Variants in CDH13 observed in about 807,000 individuals in gnomAD.
CDH13 encodes the protein cadherin-13.
Under a neutral mutation model 63.8 loss-of-function variants are expected in CDH13, and 24 were observed. The ratio of observed to expected loss-of-function variants is 0.38; its 90% confidence interval spans 0.27 to 0.53. The LOEUF is 0.53. Ranked by LOEUF, CDH13 falls within the 20% of genes least tolerant of loss-of-function variation. The probability of loss-of-function intolerance (pLI) is 0.85; values close to 1 mark genes in which losing one functional copy is unlikely to be tolerated. For synonymous variants in CDH13, 503 were observed against 355.3 expected, an observed-to-expected ratio of 1.42 and a Z score of -4.67; for missense variants, 1,049 against 903.1, an observed-to-expected ratio of 1.16 and a Z score of -2.07.
intron 1 of CDH13, among the ~76,000 whole-genome samples, chr16:82,845,750 C>G (rs977059858): frequency 6.6e-6 from 1 of 152,188 alleles, no homozygotes; most frequent in Non-Finnish European, 1.5e-5. Context: ...TGGCATTCGA[C>G]ATCACTAATT....
intron 4 of CDH13, among the ~76,000 whole-genome samples, chr16:83,173,404 G>C (rs2038002763): frequency 6.6e-6 from 1 of 152,126 alleles, no homozygotes; most frequent in Admixed American, 6.6e-5. Flanking sequence ...ATCTCTGAGA[G>C]TGTGGTAAAG....
chr16:83,236,819 GGAA>G (rs1207867784), intron 5 of CDH13, among the ~76,000 whole-genome samples: 2 of 152,146 alleles, frequency 1.3e-5, no homozygotes, highest in African/African-American at 2.4e-5. Flanking sequence ...GGCAGGGGTG[GGAA>G]GGAGGGCCTA....
chr16:83,686,118 G>C (rs1831664297), intron 10 of CDH13, among the ~76,000 whole-genome samples: 1 of 152,192 alleles, frequency 6.6e-6, no homozygotes, highest in South Asian at 2.1e-4. Flanking sequence ...CACAAGCAGG[G>C]TTTACAGAGG....
intron 2 of CDH13, among the ~76,000 whole-genome samples, chr16:83,007,514 G>C (rs1913654736): frequency 6.6e-6 from 1 of 152,098 alleles, no homozygotes; most frequent in Admixed American, 6.5e-5. Context: ...TTTCCCTAAG[G>C]GCTAAAAAAT....
Position 83,004,538 on chromosome 16 carries a change from TC to T in CDH13, c.158-27471del, listed in dbSNP as rs374542330. The stretch of plus-strand genomic sequence containing the variant: ...TTTTTTTCCCAAGACTGAGTCTCAT[TC>T]TGTCACCCAGGCTGGAGTGTATTGG... On this transcript the variant is annotated intron_variant, in intron 2 of 13. Transcript: ENST00000567109. Among the ~76,000 whole-genome samples, 55 of 152,300 alleles carry T rather than the reference TC, an allele frequency of 3.6e-4. 1 individual carries two copies. The East Asian group carries it at 0.01, about 28-fold the overall frequency.
Position 83,334,475 on chromosome 16 carries a change from G to A in CDH13, c.637-10387G>A, listed in dbSNP as rs144558742. On this transcript the variant is annotated intron_variant, in intron 5 of 13. Coordinates refer to ENST00000567109, the MANE Select transcript of CDH13 (RefSeq NM_001257.5). ...CAGCTTCAACCTTCCGGGCTCAAGT[G>A]ATCCTCCTACCTCACCCTCCTGAGT... Among the ~76,000 whole-genome samples the A allele has an allele frequency of 4.0e-3, 601 of 151,326 alleles. 5 individuals are homozygous for A. The highest frequency in any genetic ancestry group is 0.014 in the African/African-American group (562 of 41,148).
At chr16:83,323,903 C>T (rs942513311) in intron 5 of CDH13, among the ~76,000 whole-genome samples, 9 of 152,262 alleles carry the variant, frequency 5.9e-5, no homozygotes, top group Admixed American at 1.3e-4. Context: ...ACCTCTTGAC[C>T]CCTTAGAGGT....
intron 6 of CDH13, among the ~76,000 whole-genome samples, chr16:83,472,063 A>G (rs541021069): frequency 3.9e-5 from 6 of 152,158 alleles, no homozygotes; most frequent in Non-Finnish European, 8.8e-5. Context: ...GATAACAACA[A>G]TATTCTCAGA....
At chr16:82,799,215 A>T (rs2036733863) in intron 1 of CDH13, among the ~76,000 whole-genome samples, 3 of 152,194 alleles carry the variant, frequency 2.0e-5, no homozygotes, top group Admixed American at 2.0e-4. Context: ...GATCAAAGAA[A>T]AGTCTAATAC....
chr16:83,573,339 C>G (rs1465398360), intron 7 of CDH13, among the ~76,000 whole-genome samples: 1 of 152,088 alleles, frequency 6.6e-6, no homozygotes, highest in African/African-American at 2.4e-5. Context: ...TGCCTAGTCA[C>G]CATTCAGTGG....
chr16:82,939,726 A>T (rs1399032414), intron 2 of CDH13, among the ~76,000 whole-genome samples: 2 of 152,204 alleles, frequency 1.3e-5, no homozygotes, highest in Admixed American at 6.5e-5. Context: ...CACTAGCTGC[A>T]AAGGTTACCC....
intron 6 of CDH13, among the ~76,000 whole-genome samples, chr16:83,466,567 C>A (rs894524333): frequency 6.6e-6 from 1 of 152,186 alleles, no homozygotes; most frequent in Admixed American, 6.5e-5. Context: ...CCCTAATGAC[C>A]TCCACCTGGC....
At chr16:83,669,405 T>G (rs1567501776) in intron 8 of CDH13, among the ~76,000 whole-genome samples, 1 of 152,200 alleles carries the variant, frequency 6.6e-6, no homozygotes, top group Non-Finnish European at 1.5e-5. Flanking sequence ...AAGAATTCTA[T>G]GATTTTTGTG....
At chr16:83,692,126 G>A (rs1210824451) in intron 10 of CDH13, among the ~76,000 whole-genome samples, 1 of 152,194 alleles carries the variant, frequency 6.6e-6, no homozygotes, top group Non-Finnish European at 1.5e-5. Context: ...AGCGTGCCCT[G>A]TGTGTGCAAT....
At chr16:83,325,944 T>C (rs893181401) in intron 5 of CDH13, among the ~76,000 whole-genome samples, 12 of 152,132 alleles carry the variant, frequency 7.9e-5, no homozygotes, top group Non-Finnish European at 1.8e-4. Flanking sequence ...GCATCAAATA[T>C]GTGATATGCT....
At chr16:83,607,087 T>C (rs1908410601) in intron 8 of CDH13, among the ~76,000 whole-genome samples, 1 of 152,114 alleles carries the variant, frequency 6.6e-6, no homozygotes, top group South Asian at 2.1e-4. Context: ...AGGAAGGAGA[T>C]ACTTTAAAGG....
chr16:83,627,297 GA>G (rs966459142), intron 8 of CDH13, among the ~76,000 whole-genome samples: 14 of 150,802 alleles, frequency 9.3e-5, no homozygotes, highest in African/African-American at 1.5e-4. Flanking sequence ...CTCCGGGGAA[GA>G]AAAAAAAAGA....
At chr16:83,266,162 T>G (rs886143291) in intron 5 of CDH13, among the ~76,000 whole-genome samples, 7 of 152,112 alleles carry the variant, frequency 4.6e-5, no homozygotes, top group African/African-American at 1.7e-4. Flanking sequence ...GGTCTCAAAC[T>G]CCTGACCTCA....
intron 3 of CDH13, among the ~76,000 whole-genome samples, chr16:83,085,951 G>C (rs374714985): frequency 1.3e-5 from 2 of 152,140 alleles, no homozygotes; most frequent in Non-Finnish European, 2.9e-5. Context: ...TACTATGTTA[G>C]TGCCAGCTCA....
Sources: gnomAD v4.1 joint callset for allele counts (sites outside exome capture counted in the v4.1 genomes callset) on GRCh38, gnomAD v4.1.1 for gene constraint, MANE v1.5 for transcripts, NCBI Gene and HGNC (gene_info 2026-07-23, HGNC 2026-07-21) for gene names.